KIF13A: variants seen among roughly 807,000 people sequenced by gnomAD.
KIF13A encodes kinesin family member 13A, also known as kinesin-like protein KIF13A.
Under a neutral mutation model 212.2 loss-of-function variants are expected in KIF13A, and 79 were observed. The ratio of observed to expected loss-of-function variants is 0.37; its 90% CI spans 0.31 to 0.45. The LOEUF (loss-of-function observed/expected upper bound fraction) is 0.45. KIF13A is among the 20% of genes least tolerant of loss of function. The pLI is 1.00. For missense variants in KIF13A, 1,901 were observed against 2,209.0 expected (o/e 0.86, Z 2.79); for synonymous variants, 789 against 808.6 (o/e 0.98, Z 0.41).
At position 17,871,265 on chromosome 6, in the gene KIF13A, A is replaced by G. The variant is rs1477884751; in HGVS notation, c.220+2112T>C. ...GTTGTCTCAAATACTTATCTCCTCTATGTTCCATCTGCTCTCTGGTGCCTT... is the reference window on the plus strand; with the variant it reads ...GTTGTCTCAAATACTTATCTCCTCTGTGTTCCATCTGCTCTCTGGTGCCTT... On this transcript the variant is annotated intron_variant, in intron 4 of 38. Coordinates refer to ENST00000259711, the MANE Select transcript of KIF13A (RefSeq NM_022113.6). The surrounding 1 kb of genome is among the most constrained non-coding windows in gnomAD (Gnocchi z 4.4). Among the ~76,000 whole-genome samples, 1 of 152,074 alleles carries G rather than the reference A, an allele frequency of 6.6e-6. No individual in the cohort carries two copies. Among genetic ancestry groups the G allele is most frequent in the Non-Finnish European group, 1.5e-5 (1 of 68,024 alleles).
Position 17,795,467 on chromosome 6 carries a change from C to T in KIF13A, c.2943-763G>A, listed in dbSNP as rs184899789. The stretch of plus-strand genomic sequence containing the variant: ...AAAATTATCCGGGCATGGCAGCACA[C>T]GCCTGTAAGCCCAGCTACTCAGGAG... On this transcript the variant is annotated intron_variant, in intron 23 of 38. Coordinates refer to ENST00000259711, the MANE Select transcript of KIF13A (RefSeq NM_022113.6). 5.3e-5 allele frequency among the ~76,000 whole-genome samples: 8 copies of T among 151,672 alleles called. No individual in the cohort carries two copies. The East Asian group carries it at 7.8e-4, about 15-fold the overall frequency.
At position 17,825,728 on chromosome 6, in the gene KIF13A, G is replaced by GA. The variant is rs1256773931; in HGVS notation, c.1786+39dup. On this transcript the variant is annotated intron_variant, in intron 16 of 38. Coordinates refer to ENST00000259711, the MANE Select transcript of KIF13A (RefSeq NM_022113.6). This position sits in a 1 kb window ranked among gnomAD's most constrained non-coding sequence, Gnocchi z 4.5. ...CCCTCACTGAATGGTGTGAGGTGAG[G>GA]AAATGCCCAAGGCGCTGGAACACAG... is the stretch of plus-strand genomic sequence containing the variant. 1.3e-6 allele frequency: 2 copies of GA among 1,582,080 alleles called. No homozygotes were observed. The highest frequency in any genetic ancestry group is 2.2e-5 in the East Asian group (1 of 44,634).
At chr6:17,859,463 A>T (rs1768489981) in intron 4 of KIF13A, among the ~76,000 whole-genome samples, 1 of 150,876 alleles carries the variant, frequency 6.6e-6, no homozygotes, top group African/African-American at 2.4e-5. Flanking sequence ...AAAAAAACCA[A>T]AAAAACAAGA....
In KIF13A at chr6:17,934,637, A is replaced by T. The variant is rs1173540934; in HGVS notation, c.147-36457T>A. Among the ~76,000 whole-genome samples the T allele has an allele frequency of 6.6e-6, 1 of 151,958 alleles. No individual in the cohort carries two copies. The highest frequency in any genetic ancestry group is 1.5e-5 in the Non-Finnish European group (1 of 67,974). ...ACCCTGTCTCTACAAAAATATTAAA[A>T]ATTAGCAGGGCATGGTGGCACATCC... On this transcript the variant is annotated intron_variant, in intron 2 of 38. Coordinates refer to ENST00000259711, the MANE Select transcript of KIF13A (RefSeq NM_022113.6). This position sits in a 1 kb window ranked among gnomAD's most constrained non-coding sequence, Gnocchi z 5.4.
rs1462387491 is a variant in KIF13A, at chr6:17,764,563, G to A, written c.4965C>T (p.Val1655=). 5 of 1,613,758 alleles carry A rather than the reference G, an allele frequency of 3.1e-6. No individual in the cohort carries two copies. Among genetic ancestry groups the A allele is most frequent in the African/African-American group, 2.7e-5 (2 of 74,986 alleles). Residue 1655 remains valine (V), a synonymous_variant, in exon 39 of 39, where the codon GTC becomes GTT. Transcript: ENST00000259711. This position sits in a 1 kb window ranked among gnomAD's most constrained non-coding sequence, Gnocchi z 5.1. The stretch of plus-strand genomic sequence containing the variant: ...TCTTGTCCTTTACCAAGCCTTTTTC[G>A]ACTTCTGTCAACTCTTTGTTTGAGG... ...RPSSNKELTE[V]EKGLVKDKII...
At position 17,787,637 on chromosome 6, in the gene KIF13A, T is replaced by G; in HGVS notation, c.3361+139A>C. On this transcript the variant is annotated intron_variant, in intron 27 of 38. Transcript: ENST00000259711. The surrounding 1 kb of genome is among the most constrained non-coding windows in gnomAD (Gnocchi z 4.6). ...CTGCACTCCAGCTTGGGTGACAGAGTGAGACCCTGTCTTAAAACAACAACA... is the reference window on the plus strand; with the variant it reads ...CTGCACTCCAGCTTGGGTGACAGAGGGAGACCCTGTCTTAAAACAACAACA... 1 of 621,170 alleles carries G rather than the reference T, an allele frequency of 1.6e-6. No individual in the cohort carries two copies. Among genetic ancestry groups the G allele is most frequent in the East Asian group, 2.7e-5 (1 of 36,874 alleles). The allele number at this position is 621,170 out of a possible 1,614,324, so 38.5% of individuals were successfully genotyped here. A position where few individuals can be genotyped will look rare whatever the true frequency, so the allele number is the denominator to read the frequency against.
chr6:17,951,423 G>C lies in KIF13A; in HGVS notation c.146+35631C>G. On this transcript the variant is annotated intron_variant, in intron 2 of 38. Coordinates refer to ENST00000259711, the MANE Select transcript of KIF13A (RefSeq NM_022113.6). This position sits in a 1 kb window ranked among gnomAD's most constrained non-coding sequence, Gnocchi z 4.9. Reference sequence around the variant, plus strand: ...TGGAATTAGAGATGTGAGCCACTGTGACCAGCCTCAATTTAAAAAAAAAAA... The same window carrying C: ...TGGAATTAGAGATGTGAGCCACTGTCACCAGCCTCAATTTAAAAAAAAAAA... 1.8e-6 allele frequency: 1 copy of C among 557,234 alleles called. No individual in the cohort carries two copies. 34.5% of individuals were successfully genotyped at this position (557,234 alleles called of 1,614,324 possible).
In KIF13A at chr6:17,843,931, G is replaced by A. The variant is rs368677418; in HGVS notation, c.830+5446C>T. On this transcript the variant is annotated intron_variant, in intron 9 of 38. Coordinates refer to ENST00000259711, the MANE Select transcript of KIF13A (RefSeq NM_022113.6). This position sits in a 1 kb window ranked among gnomAD's most constrained non-coding sequence, Gnocchi z 5.3. Reference sequence around the variant, plus strand: ...GTGGTGGCGCACGCCTATAATCCCAGCTACTCGGGAGGCTGAGGCAGGAGA... The same window carrying A: ...GTGGTGGCGCACGCCTATAATCCCAACTACTCGGGAGGCTGAGGCAGGAGA... 5.3e-5 allele frequency among the ~76,000 whole-genome samples: 8 copies of A among 151,982 alleles called. No individual in the cohort carries two copies. The highest frequency in any genetic ancestry group is 1.9e-4 in the African/African-American group (8 of 41,476).
chr6:17,864,095 G>A (rs190257193), intron 4 of KIF13A, among the ~76,000 whole-genome samples: 15 of 152,312 alleles, frequency 9.8e-5, no homozygotes, highest in African/African-American at 2.2e-4. Flanking sequence ...GTTAAGTCCC[G>A]TGGGAAGCAG....
intron 20 of KIF13A, among the ~76,000 whole-genome samples, chr6:17,801,502 AAAC>A (rs920937751): frequency 2.8e-4 from 42 of 152,202 alleles, no homozygotes; most frequent in Admixed American, 7.2e-4. Context: ...ACTCGGTCTC[AAAC>A]AACAACAACA....
intron 2 of KIF13A, among the ~76,000 whole-genome samples, chr6:17,975,073 G>C (rs1780195852): frequency 1.3e-5 from 2 of 152,342 alleles, no homozygotes; most frequent in Middle Eastern, 3.4e-3. Context: ...GCTGGGCGCA[G>C]TGGTTCACAC....
chr6:17,795,873 T>C (rs1427765661), intron 23 of KIF13A, among the ~76,000 whole-genome samples: 1 of 152,234 alleles, frequency 6.6e-6, no homozygotes, highest in African/African-American at 2.4e-5. Context: ...TATGTGACTA[T>C]CTCAAAATCC....
chr6:17,810,841 T>C (rs1238559811), intron 17 of KIF13A, among the ~76,000 whole-genome samples: 1 of 152,014 alleles, frequency 6.6e-6, no homozygotes, highest in Non-Finnish European at 1.5e-5. Flanking sequence ...TGACAGGAGG[T>C]GGAGCTCAGG....
chr6:17,818,974 G>T (rs1314384987), intron 16 of KIF13A, among the ~76,000 whole-genome samples: 1 of 150,730 alleles, frequency 6.6e-6, no homozygotes, highest in Non-Finnish European at 1.5e-5. Flanking sequence ...GTAGAGTCCT[G>T]ACATGAGTTC....
intron 3 of KIF13A, among the ~76,000 whole-genome samples, chr6:17,890,498 G>A (rs1037246523): frequency 4.6e-5 from 7 of 152,138 alleles, no homozygotes; most frequent in South Asian, 2.1e-4. Flanking sequence ...TATCAATAGA[G>A]CATACATAAT....
At chr6:17,959,136 C>T (rs1482483486) in intron 2 of KIF13A, among the ~76,000 whole-genome samples, 1 of 151,962 alleles carries the variant, frequency 6.6e-6, no homozygotes, top group Non-Finnish European at 1.5e-5. Flanking sequence ...AAAAAAATTA[C>T]TGTAAGTCAT....
At chr6:17,942,910 T>C (rs1009954128) in intron 2 of KIF13A, among the ~76,000 whole-genome samples, 3 of 151,980 alleles carry the variant, frequency 2.0e-5, no homozygotes, top group Non-Finnish European at 2.9e-5. Flanking sequence ...GCCTGGGAGA[T>C]GGAGGTTGCA....
chr6:17,817,341 G>T, intron 16 of KIF13A, 108 bp from the exon 17 acceptor site: 2 of 887,736 alleles, frequency 2.3e-6, no homozygotes, highest in Non-Finnish European at 3.6e-6. Flanking sequence ...AATCTAGCCA[G>T]TCAATACGCT....
intron 4 of KIF13A, among the ~76,000 whole-genome samples, chr6:17,868,197 T>C (rs1769605878): frequency 6.6e-6 from 1 of 152,360 alleles, no homozygotes; most frequent in African/African-American, 2.4e-5. Flanking sequence ...TGACCCCAGA[T>C]ATGCCACTAC....
Sources: gnomAD v4.1 joint callset for allele counts (sites outside exome capture counted in the v4.1 genomes callset) on GRCh38, gnomAD v4.1.1 for gene constraint, Gnocchi (gnomAD v3.1) non-coding constraint, MANE v1.5 for transcripts, NCBI Gene and HGNC (gene_info 2026-07-23, HGNC 2026-07-21) for gene names.